The following SLC35F1 variants were observed in gnomAD, a reference collection of about 807,000 sequenced individuals.
The protein encoded by SLC35F1 is chromosome 6 open reading frame 169.
A neutral mutation model predicts 48.7 loss-of-function variants in SLC35F1; 14 were observed. That is an observed-to-expected ratio of 0.29 (90% CI 0.19 to 0.45). SLC35F1 has a LOEUF of 0.45. Ranked by LOEUF, SLC35F1 falls within the 20% of genes least tolerant of loss-of-function variation. The pLI is 1.00. For synonymous variants in SLC35F1, 190 were observed against 202.2 expected, an observed-to-expected ratio of 0.94 and a Z score of 0.51; for missense variants, 404 against 500.0, an observed-to-expected ratio of 0.81 and a Z score of 1.83.
chr6:118,055,064 C>G (rs780143211), intron 1 of SLC35F1, among the ~76,000 whole-genome samples: 22 of 152,132 alleles, frequency 1.4e-4, no homozygotes, highest in Non-Finnish European at 2.2e-4. Context: ...TGCGAGCCAC[C>G]GTGCCCATCC....
intron 1 of SLC35F1, among the ~76,000 whole-genome samples, chr6:118,023,873 C>T (rs1353431188): frequency 6.6e-6 from 1 of 152,136 alleles, no homozygotes; most frequent in Non-Finnish European, 1.5e-5. Flanking sequence ...AGACTATTCC[C>T]GGAATCAAGG....
At chr6:117,983,965 C>T (rs1776815701) in intron 1 of SLC35F1, among the ~76,000 whole-genome samples, 2 of 146,204 alleles carry the variant, frequency 1.4e-5, no homozygotes, top group African/African-American at 5.6e-5. Context: ...CCTTCTTGAA[C>T]CCTTTGAGAA....
chr6:118,017,838 A>G (rs1469498153), intron 1 of SLC35F1, among the ~76,000 whole-genome samples: 1 of 152,224 alleles, frequency 6.6e-6, no homozygotes, highest in African/African-American at 2.4e-5. Flanking sequence ...TAAAAAATGC[A>G]TAAAGAAGTC....
chr6:118,182,721 A>AT (rs901685050), intron 2 of SLC35F1, among the ~76,000 whole-genome samples: 2 of 152,074 alleles, frequency 1.3e-5, no homozygotes, highest in Non-Finnish European at 2.9e-5. Context: ...AAATAAAAAT[A>AT]TTTTTTAAAA....
intron 1 of SLC35F1, among the ~76,000 whole-genome samples, chr6:118,058,460 C>T (rs1161741831): frequency 2.0e-5 from 3 of 151,718 alleles, no homozygotes; most frequent in Non-Finnish European, 4.4e-5. Context: ...TTTTTTAATC[C>T]CATTGCTCTG....
chr6:118,240,338 G>A (rs1237809626), intron 3 of SLC35F1, among the ~76,000 whole-genome samples: 2 of 152,222 alleles, frequency 1.3e-5, no homozygotes, highest in Non-Finnish European at 1.5e-5. Context: ...ATAAAAAGTG[G>A]AGAGGATAAA....
At chr6:118,037,915 T>C (rs569350865) in intron 1 of SLC35F1, among the ~76,000 whole-genome samples, 1 of 152,092 alleles carries the variant, frequency 6.6e-6, no homozygotes, top group South Asian at 2.1e-4. Context: ...AAATACCTAA[T>C]GCATGCAGGT....
intron 1 of SLC35F1, among the ~76,000 whole-genome samples, chr6:118,095,321 G>A (rs4073802): frequency 0.36 from 55,076 of 151,936 alleles, 10,451 homozygotes; most frequent in East Asian, 0.45. Flanking sequence ...TAAAAAGACC[G>A]TGGCACTCCA....
chr6:117,971,725 G>A (rs1393719955), intron 1 of SLC35F1, among the ~76,000 whole-genome samples: 1 of 152,252 alleles, frequency 6.6e-6, no homozygotes, highest in African/African-American at 2.4e-5. Flanking sequence ...ACCCTCTGAA[G>A]CAACAGCCTG....
intron 1 of SLC35F1, among the ~76,000 whole-genome samples, chr6:118,083,596 T>A (rs975837864): frequency 2.4e-4 from 36 of 152,346 alleles, no homozygotes; most frequent in African/African-American, 8.4e-4. Flanking sequence ...AATCCAGTGA[T>A]GCTCTCATGT....
chr6:118,139,446 A>G lies in SLC35F1; in HGVS notation c.174-14999A>G, dbSNP rs1773850901. ...GTCTTCTTTATGGATAGTTCAAAAT[A>G]CTAAATCATCTGGAAATGGCTTTTC... On this transcript the variant is annotated intron_variant, in intron 1 of 7. Transcript: ENST00000360388. Among the ~76,000 whole-genome samples the G allele has an allele frequency of 2.0e-5, 3 of 152,176 alleles. No individual in the cohort carries two copies. The South Asian group carries it at 6.2e-4, about 32-fold the overall frequency.
intron 7 of SLC35F1, among the ~76,000 whole-genome samples, chr6:118,293,950 C>T (rs1214186494): frequency 6.6e-6 from 1 of 152,200 alleles, no homozygotes; most frequent in African/African-American, 2.4e-5. Context: ...TAGATTTAAA[C>T]TGGCTTCTGT....
chr6:118,283,161 A>G (rs1020053921), intron 6 of SLC35F1, among the ~76,000 whole-genome samples: 4 of 152,070 alleles, frequency 2.6e-5, no homozygotes, highest in African/African-American at 9.7e-5. Context: ...CTTGGTCAGC[A>G]TCTGGGACAC....
intron 1 of SLC35F1, among the ~76,000 whole-genome samples, chr6:117,951,078 C>A (rs916930108): frequency 6.6e-6 from 1 of 152,116 alleles, no homozygotes; most frequent in African/African-American, 2.4e-5. Flanking sequence ...GAACATTTCT[C>A]TTCATAAGTT....
intron 1 of SLC35F1, among the ~76,000 whole-genome samples, chr6:118,016,242 C>T (rs1335513414): frequency 6.6e-6 from 1 of 152,176 alleles, no homozygotes; most frequent in Non-Finnish European, 1.5e-5. Flanking sequence ...GTTTTCTCCT[C>T]TAGAATGTTT....
chr6:118,281,296 A>G (rs1775981996), intron 6 of SLC35F1, among the ~76,000 whole-genome samples: 1 of 151,644 alleles, frequency 6.6e-6, no homozygotes, highest in Non-Finnish European at 1.5e-5. Context: ...TATAATAATT[A>G]AACAATATAG....
intron 2 of SLC35F1, among the ~76,000 whole-genome samples, chr6:118,190,713 A>G (rs953547102): frequency 3.9e-5 from 6 of 152,186 alleles, no homozygotes; most frequent in African/African-American, 1.4e-4. Flanking sequence ...TATTGTGACT[A>G]TGGGGAGGAT....
chr6:118,136,070 T>C (rs1004969265), intron 1 of SLC35F1, among the ~76,000 whole-genome samples: 1 of 152,236 alleles, frequency 6.6e-6, no homozygotes, highest in Non-Finnish European at 1.5e-5. Context: ...CCAAGCACCA[T>C]GAAAGACAGA....
At chr6:118,124,463 A>C (rs1773595465) in intron 1 of SLC35F1, among the ~76,000 whole-genome samples, 2 of 152,158 alleles carry the variant, frequency 1.3e-5, no homozygotes, top group Admixed American at 1.3e-4. Flanking sequence ...TATGTATTGG[A>C]ACCTTTATAT....
Sources: gnomAD v4.1 joint callset for allele counts (sites outside exome capture counted in the v4.1 genomes callset) on GRCh38, gnomAD v4.1.1 for gene constraint, MANE v1.5 for transcripts, NCBI Gene and HGNC (gene_info 2026-07-23, HGNC 2026-07-21) for gene names.